SYT9: variants seen among roughly 807,000 people sequenced by gnomAD.
SYT9 encodes synaptotagmin-9.
In SYT9, 22 loss-of-function variants were observed where a neutral mutation model predicts 48.4. The ratio of observed to expected loss-of-function variants is 0.45; its 90% CI spans 0.32 to 0.65. The LOEUF is 0.65. Among genes scored for constraint, SYT9 ranks in the 30% least tolerant of loss-of-function variants. SYT9 has a pLI of 0.03. For synonymous variants in SYT9, 265 were observed against 245.0 expected (o/e 1.08, Z -0.76); for missense variants, 577 against 622.0 (o/e 0.93, Z 0.77).
At chr11:7,358,237 T>C (rs1850061344) in intron 3 of SYT9, among the ~76,000 whole-genome samples, 1 of 152,158 alleles carries the variant, frequency 6.6e-6, no homozygotes, top group African/African-American at 2.4e-5. Context: ...CAGTACAATA[T>C]AGTTTTAGAT....
At chr11:7,371,306 AACAT>A (rs1850357075) in intron 3 of SYT9, among the ~76,000 whole-genome samples, 2 of 43,908 alleles carry the variant, frequency 4.6e-5, no homozygotes, top group Non-Finnish European at 1.0e-4. Flanking sequence ...ACATCTTTAC[AACAT>A]GAAATGTTTC....
intron 6 of SYT9, among the ~76,000 whole-genome samples, chr11:7,437,418 A>AT (rs533805224): frequency 2.6e-5 from 4 of 152,062 alleles, no homozygotes; most frequent in Non-Finnish European, 4.4e-5. Flanking sequence ...GCACTTTTTA[A>AT]TTTTTTTTCA....
intron 6 of SYT9, among the ~76,000 whole-genome samples, chr11:7,455,319 T>A (rs1351490273): frequency 6.7e-6 from 1 of 149,892 alleles, no homozygotes; most frequent in Admixed American, 6.7e-5. Flanking sequence ...CATACAACAT[T>A]CCAATGTTTA....
chr11:7,313,082 C>G (rs1207571125), intron 2 of SYT9, among the ~76,000 whole-genome samples: 5 of 152,090 alleles, frequency 3.3e-5, no homozygotes, highest in Admixed American at 2.6e-4. Flanking sequence ...TCTTTACATT[C>G]CACCAGAGGA....
intron 3 of SYT9, among the ~76,000 whole-genome samples, chr11:7,384,092 A>C (rs572168358): frequency 1.9e-4 from 28 of 148,582 alleles, no homozygotes; most frequent in African/African-American, 4.0e-4. Context: ...ACACACACAC[A>C]CCCTCACACC....
intron 3 of SYT9, among the ~76,000 whole-genome samples, chr11:7,330,578 T>C (rs1849510259): frequency 1.3e-5 from 2 of 152,210 alleles, no homozygotes; most frequent in Non-Finnish European, 2.9e-5. Context: ...ATATAAAATA[T>C]TTCTGTCTAT....
intron 3 of SYT9, among the ~76,000 whole-genome samples, chr11:7,399,090 C>G (rs1253724081): frequency 1.3e-5 from 2 of 152,050 alleles, no homozygotes; most frequent in African/African-American, 4.8e-5. Context: ...TGCAGACACC[C>G]CTATGGTAAC....
At chr11:7,276,928 C>A (rs1848406152) in intron 1 of SYT9, among the ~76,000 whole-genome samples, 1 of 151,614 alleles carries the variant, frequency 6.6e-6, no homozygotes. Context: ...GTGGCAGGCG[C>A]CTGTAATCCC....
intron 1 of SYT9, among the ~76,000 whole-genome samples, chr11:7,295,074 C>T (rs1417447578): frequency 6.6e-6 from 1 of 152,216 alleles, no homozygotes; most frequent in Non-Finnish European, 1.5e-5. Context: ...GTTGGCCACA[C>T]TGTTAGTGTT....
At chr11:7,348,688 C>CTTTTTTTTTTT (rs34752256) in intron 3 of SYT9, among the ~76,000 whole-genome samples, 2,200 of 47,048 alleles carry the variant, frequency 0.047, 300 homozygotes, top group Middle Eastern at 0.088. Flanking sequence ...ATCAGACCTC[C>CTTTTTTTTTTT]TTTTTTTTTT....
intron 3 of SYT9, among the ~76,000 whole-genome samples, chr11:7,324,175 T>C (rs1209531235): frequency 6.6e-6 from 1 of 151,908 alleles, no homozygotes; most frequent in African/African-American, 2.4e-5. Flanking sequence ...TCTAGAAATT[T>C]GCTTATTTCA....
At chr11:7,330,605 T>C (rs916100312) in intron 3 of SYT9, among the ~76,000 whole-genome samples, 3 of 152,164 alleles carry the variant, frequency 2.0e-5, no homozygotes, top group African/African-American at 7.2e-5. Context: ...AGATATAGAA[T>C]AGATAAGAAT....
chr11:7,271,578 G>A (rs535040139), intron 1 of SYT9, among the ~76,000 whole-genome samples: 1 of 151,890 alleles, frequency 6.6e-6, no homozygotes, highest in Non-Finnish European at 1.5e-5. Flanking sequence ...TTTTTGTTTT[G>A]TTTTGTTTTG....
chr11:7,437,819 G>T (rs1847740932), intron 6 of SYT9: 1 of 152,214 alleles, frequency 6.6e-6, no homozygotes, highest in South Asian at 2.1e-4. Flanking sequence ...AAGCTGTGCT[G>T]TGCTTAGCCT....
In SYT9 at chr11:7,466,897, T is replaced by C; in HGVS notation, c.*97T>C. 4.8e-6 allele frequency: 7 copies of C among 1,447,644 alleles called. No individual in the cohort carries two copies. The highest frequency in any genetic ancestry group is 6.7e-6 in the Non-Finnish European group (7 of 1,042,224). 89.7% of individuals were successfully genotyped at this position (1,447,644 alleles called of 1,614,324 possible). ...TTTCCATCCAGCAACATCCAGACGA[T>C]TTCAGTGACCAAATGCTCAGCTGTA... On this transcript the variant is annotated 3_prime_UTR_variant, in exon 7 of 7. Transcript: ENST00000318881.
chr11:7,311,050 C>A (rs11041307), intron 2 of SYT9, among the ~76,000 whole-genome samples: 41,654 of 152,088 alleles, frequency 0.27, 5,973 homozygotes, highest in Middle Eastern at 0.32. Context: ...CGCCTGTAAT[C>A]CCAGCACTTT....
intron 1 of SYT9, among the ~76,000 whole-genome samples, chr11:7,262,212 A>T (rs577258527): frequency 5.9e-5 from 9 of 152,270 alleles, no homozygotes; most frequent in Admixed American, 4.6e-4. Flanking sequence ...GTCAAGACTA[A>T]GACTGTGGCC....
At chr11:7,258,533 A>C (rs533250033) in intron 1 of SYT9, among the ~76,000 whole-genome samples, 1 of 152,246 alleles carries the variant, frequency 6.6e-6, no homozygotes, top group South Asian at 2.1e-4. Flanking sequence ...CAAAAACTTT[A>C]AATCAACATT....
chr11:7,432,563 AAAAAAAAAAAAAAAAAAAAATATATATAC>A (rs1564901871), intron 6 of SYT9, among the ~76,000 whole-genome samples: 37 of 12,786 alleles, frequency 2.9e-3, no homozygotes, highest in African/African-American at 8.7e-3. Flanking sequence ...AAAAAAAAAA[AAAAAAAAAAAAAAAAAAAAATATATATAC>A]ATATATATAT....
Sources: gnomAD v4.1 joint callset for allele counts (sites outside exome capture counted in the v4.1 genomes callset) on GRCh38, gnomAD v4.1.1 for gene constraint, MANE v1.5 for transcripts, NCBI Gene and HGNC (gene_info 2026-07-23, HGNC 2026-07-21) for gene names.